ETAA1: variants seen among roughly 807,000 people sequenced by gnomAD.
ETAA1 encodes the protein ewing's tumor-associated antigen 1.
A neutral mutation model predicts 76.8 loss-of-function variants in ETAA1; 49 were observed. That is an observed-to-expected ratio of 0.64 (90% CI 0.51 to 0.81). ETAA1 has a LOEUF of 0.81. Among genes scored for constraint, ETAA1 ranks in the 30% least tolerant of loss-of-function variants. The pLI is 0.00. For missense variants in ETAA1, 1,099 were observed against 1,074.0 expected, an observed-to-expected ratio of 1.02 and a Z score of -0.32; for synonymous variants, 373 against 372.2, an observed-to-expected ratio of 1.00 and a Z score of -0.03.
chr2:67,408,027 A>G (rs1676265399), intron 5 of ETAA1, among the ~76,000 whole-genome samples: 1 of 152,132 alleles, frequency 6.6e-6, no homozygotes, highest in South Asian at 2.1e-4. Context: ...ATCTATCTGC[A>G]TTTTTTATGG....
At chr2:67,399,759 G>C (rs542385539) in intron 3 of ETAA1, 133 bp downstream of exon 3, 1 of 550,248 alleles carries the variant, frequency 1.8e-6, no homozygotes, top group East Asian at 3.2e-5. Flanking sequence ...AAAGATTACT[G>C]TTTTGCCTTT....
At chr2:67,402,352 T>G (rs2103746653) in intron 3 of ETAA1, 1 of 152,090 alleles carries the variant, frequency 6.6e-6, no homozygotes, top group African/African-American at 2.4e-5. Context: ...TGAGTGTTCT[T>G]AATTTAGGTC....
chr2:67,400,078 G>A (rs1676010972), intron 3 of ETAA1, among the ~76,000 whole-genome samples: 1 of 152,218 alleles, frequency 6.6e-6, no homozygotes, highest in South Asian at 2.1e-4. Flanking sequence ...TTACAAAAGT[G>A]GAGAGCACTG....
intron 1 of ETAA1, 27 bp from the exon 2 acceptor site, chr2:67,399,142 T>C: frequency 6.3e-7 from 1 of 1,596,314 alleles, no homozygotes; most frequent in Non-Finnish European, 8.5e-7. Flanking sequence ...AATGCAACAA[T>C]TGTTATTTTA....
chr2:67,403,951 T>A lies in ETAA1; in HGVS notation c.1269T>A (p.Thr423=), dbSNP rs1323777393. 1 of 1,609,522 alleles carries A rather than the reference T, an allele frequency of 6.2e-7. No individual in the cohort carries two copies. Among genetic ancestry groups the A allele is most frequent in the Non-Finnish European group, 8.5e-7 (1 of 1,178,448 alleles). ...QKEICTFNSK[T]VKNTSRANTS... The stretch of plus-strand genomic sequence containing the variant: ...AAATTTGTACCTTTAATAGTAAAAC[T>A]GTTAAAAATACGTCAAGAGCAAATA... The change falls in exon 5 of 6, where the codon ACT becomes ACA. Residue 423 remains threonine (T), a synonymous_variant. Coordinates refer to ENST00000272342, the MANE Select transcript of ETAA1 (RefSeq NM_019002.4).
chr2:67,401,645 A>C (rs1281720097), intron 3 of ETAA1: 1 of 151,964 alleles, frequency 6.6e-6, no homozygotes, highest in Non-Finnish European at 1.5e-5. Flanking sequence ...ATGTATATGT[A>C]AAGTTGGGTA....
chr2:67,399,100 T>G, intron 1 of ETAA1, 69 bp from the exon 2 acceptor site: 1 of 1,415,772 alleles, frequency 7.1e-7, no homozygotes, highest in Non-Finnish European at 9.6e-7. Context: ...CTATTTGACC[T>G]TGGGGTCTTA....
intron 3 of ETAA1, chr2:67,400,869 C>T (rs1230671548): frequency 6.6e-6 from 1 of 152,142 alleles, no homozygotes; most frequent in African/African-American, 2.4e-5. Context: ...GTCAAAACAA[C>T]TCTGTTGCTA....
At chr2:67,400,574 A>C (rs1015275374) in intron 3 of ETAA1, 3 of 152,220 alleles carry the variant, frequency 2.0e-5, no homozygotes, top group African/African-American at 7.2e-5. Context: ...ATTACTAAGA[A>C]GCAAAGGCTC....
At position 67,397,418 on chromosome 2, in the gene ETAA1, A is replaced by G; in HGVS notation, c.-31A>G. 1.3e-6 allele frequency: 2 copies of G among 1,563,254 alleles called. No homozygotes were observed. The highest frequency in any genetic ancestry group is 1.2e-5 in the South Asian group (1 of 85,572). On this transcript the variant is annotated 5_prime_UTR_variant, in exon 1 of 6. Coordinates refer to ENST00000272342, the MANE Select transcript of ETAA1 (RefSeq NM_019002.4). ...TCATCCCTTTGCAAAATGTGAAAGA[A>G]GAAGCGGCTGGTGGAGGCGGGCCAT...
At chr2:67,408,063 T>C (rs1676266848) in intron 5 of ETAA1, among the ~76,000 whole-genome samples, 1 of 152,222 alleles carries the variant, frequency 6.6e-6, no homozygotes, top group Non-Finnish European at 1.5e-5. Context: ...GCTTACCTTA[T>C]CAATATTTTC....
Position 67,404,876 on chromosome 2 carries a change from G to A in ETAA1, c.2194G>A (p.Gly732Ser). 1 of 1,612,940 alleles carries A rather than the reference G, an allele frequency of 6.2e-7. No homozygotes were observed. The highest frequency in any genetic ancestry group is 8.5e-7 in the Non-Finnish European group (1 of 1,179,344). ...EMYGNSPRFL[G>S]ATNLTMYSKI... The stretch of plus-strand genomic sequence containing the variant: ...GTATGGAAATTCTCCAAGATTTTTA[G>A]GTGCCACAAATTTGACTATGTATTC... Residue 732 changes from glycine (G) to serine (S), a missense_variant, in exon 5 of 6, where the codon GGT becomes AGT. Physicochemically the swap from Gly to Ser is moderately conservative, Grantham distance 56 (BLOSUM62 0). This residue lies in a region of ETAA1 where 302 missense variants were observed against 278.1 expected (regional missense o/e 1.09). Transcript: ENST00000272342.
rs1063572 is a variant in ETAA1, at chr2:67,410,062, A to G, written c.*24A>G. The G allele has an allele frequency of 1.3e-6, 2 of 1,592,988 alleles. No homozygotes were observed. Among genetic ancestry groups the G allele is most frequent in the African/African-American group, 2.7e-5 (2 of 73,508 alleles). ...AATGAAATATTAGTTGGAAGACTTC[A>G]CGAAGACTGCTGATAACTATCTGTG... On this transcript the variant is annotated 3_prime_UTR_variant, in exon 6 of 6. Transcript: ENST00000272342.
At chr2:67,406,410 T>C (rs1676221996) in intron 5 of ETAA1, among the ~76,000 whole-genome samples, 1 of 152,152 alleles carries the variant, frequency 6.6e-6, no homozygotes, top group African/African-American at 2.4e-5. Context: ...AGTCTATAAA[T>C]AGATCTCCTT....
At chr2:67,397,912 T>C (rs1675928742) in intron 1 of ETAA1, among the ~76,000 whole-genome samples, 1 of 152,202 alleles carries the variant, frequency 6.6e-6, no homozygotes, top group Non-Finnish European at 1.5e-5. Context: ...ATAGGTAATG[T>C]GGTTTACCTG....
At chr2:67,408,542 A>C (rs937966592) in intron 5 of ETAA1, among the ~76,000 whole-genome samples, 1 of 152,130 alleles carries the variant, frequency 6.6e-6, no homozygotes, top group Non-Finnish European at 1.5e-5. Flanking sequence ...ACAGGAAAAA[A>C]AAAAATTACT....
intron 1 of ETAA1, among the ~76,000 whole-genome samples, chr2:67,398,445 C>T (rs1299995593): frequency 1.3e-5 from 2 of 151,888 alleles, no homozygotes; most frequent in Non-Finnish European, 2.9e-5. Flanking sequence ...AAGCGATTCT[C>T]CTGCCTCAGC....
chr2:67,398,048 C>CT (rs968825560), intron 1 of ETAA1, among the ~76,000 whole-genome samples: 11 of 152,148 alleles, frequency 7.2e-5, no homozygotes, highest in Admixed American at 4.6e-4. Flanking sequence ...TCTTTAAACC[C>CT]TTTTTTTCCC....
chr2:67,397,538 C>T lies in ETAA1; in HGVS notation c.90C>T (p.Val30=). Residue 30 remains valine (V), a synonymous_variant, in exon 1 of 6, where the codon GTC becomes GTT. Transcript: ENST00000272342. ...TVAAEECGSV[V]EPGRRRLRSA... is the part of the protein sequence containing the mutation. ...CGGCGGAGGAATGCGGCTCGGTGGT[C>T]GAGCCAGGGAGGAGGCGGCTGAGAT... 6.3e-7 allele frequency: 1 copy of T among 1,584,452 alleles called. No individual in the cohort carries two copies. Among genetic ancestry groups the T allele is most frequent in the Non-Finnish European group, 8.6e-7 (1 of 1,165,732 alleles).
Sources: gnomAD v4.1 joint callset for allele counts (sites outside exome capture counted in the v4.1 genomes callset) on GRCh38, gnomAD v4.1.1 for gene constraint, gnomAD v4.1.1 regional missense constraint, MANE v1.5 for transcripts, NCBI Gene and HGNC (gene_info 2026-07-23, HGNC 2026-07-21) for gene names.